Variants in TAF4B observed in about 807,000 individuals in gnomAD.
TAF4B encodes transcription initiation factor TFIID subunit 4B.
Under a neutral mutation model 86.4 loss-of-function variants are expected in TAF4B, and 38 were observed. The ratio of observed to expected loss-of-function variants is 0.44; its 90% CI spans 0.34 to 0.58. The LOEUF (loss-of-function observed/expected upper bound fraction) is 0.58, where lower values mean the gene tolerates loss of function less well. TAF4B is among the 20% of genes least tolerant of loss of function. The pLI, the probability that TAF4B is intolerant of heterozygous loss-of-function variation, is 0.02. For missense variants in TAF4B, 988 were observed against 1,027.6 expected (o/e 0.96, Z 0.53); for synonymous variants, 388 against 391.2 (o/e 0.99, Z 0.10).
intron 1 of TAF4B, among the ~76,000 whole-genome samples, chr18:26,251,742 A>G (rs1036359511): frequency 2.6e-5 from 4 of 152,232 alleles, no homozygotes; most frequent in African/African-American, 9.6e-5. Context: ...AGAGACTAAC[A>G]TTCAGTTTCC....
chr18:26,293,759 T>C (rs926460581), intron 9 of TAF4B, among the ~76,000 whole-genome samples: 22 of 152,208 alleles, frequency 1.4e-4, no homozygotes, highest in Admixed American at 1.2e-3. Context: ...CCGATCAAGA[T>C]ACTGAACATA....
intron 10 of TAF4B, among the ~76,000 whole-genome samples, chr18:26,320,383 G>A (rs1404363145): frequency 6.6e-6 from 1 of 152,148 alleles, no homozygotes; most frequent in African/African-American, 2.4e-5. Flanking sequence ...TGAGTATGTG[G>A]TCCAAATTGT....
intron 1 of TAF4B, among the ~76,000 whole-genome samples, chr18:26,257,842 C>CGTGTGT (rs57275139): frequency 0.047 from 6,701 of 141,444 alleles, 208 homozygotes; most frequent in East Asian, 0.082. Flanking sequence ...CCTCTGCGTG[C>CGTGTGT]GTGTGTGTGT....
At chr18:26,280,465 A>G (rs551301977) in intron 5 of TAF4B, among the ~76,000 whole-genome samples, 1 of 152,314 alleles carries the variant, frequency 6.6e-6, no homozygotes, top group South Asian at 2.1e-4. Flanking sequence ...AAAATCAACA[A>G]GAAAAAACCC....
At chr18:26,346,905 GTGTATATATATATATATAGTTTTTTGT>G (rs2057202413) in intron 13 of TAF4B, among the ~76,000 whole-genome samples, 2 of 7,810 alleles carry the variant, frequency 2.6e-4, no homozygotes, top group South Asian at 6.6e-3. Context: ...ATATATGTGT[GTGTATATATATATATATAGTTTTTTGT>G]TGTTTTTTGA....
intron 6 of TAF4B, among the ~76,000 whole-genome samples, chr18:26,284,053 CAA>C (rs199554921): frequency 5.4e-5 from 7 of 130,380 alleles, no homozygotes; most frequent in East Asian, 2.3e-4. Context: ...GACTCCGTCT[CAA>C]AAAAAAAAAA....
chr18:26,380,505 T>C lies in TAF4B; in HGVS notation c.2422-9340T>C, dbSNP rs76549178. On this transcript the variant is annotated intron_variant, in intron 14 of 14. Transcript: ENST00000269142. ...TGATTTTAGTCCTTTAAGTTTACTA[T>C]GACTTGGGCTTGCATGGTTTGTCTT... 8.3e-3 allele frequency among the ~76,000 whole-genome samples: 1,266 copies of C among 152,346 alleles called. 17 individuals are homozygous for C. Among genetic ancestry groups the C allele is most frequent in the African/African-American group, 0.029 (1,212 of 41,586 alleles).
In TAF4B at chr18:26,381,717, C is replaced by T. The variant is rs548895569; in HGVS notation, c.2422-8128C>T. On this transcript the variant is annotated intron_variant, in intron 14 of 14. Coordinates refer to ENST00000269142, the MANE Select transcript of TAF4B (RefSeq NM_005640.3). ...ACTCCAGCCTGGGCAATGAGCGAAA[C>T]TCCGCCTCTAAATAAATAAATAAAT... 5.5e-5 allele frequency among the ~76,000 whole-genome samples: 8 copies of T among 146,674 alleles called. No homozygotes were observed. In the East Asian group the frequency reaches 1.4e-3, roughly 26 times the overall value.
At chr18:26,325,315 G>A (rs997559011) in intron 11 of TAF4B, among the ~76,000 whole-genome samples, 16 of 152,118 alleles carry the variant, frequency 1.1e-4, no homozygotes. Flanking sequence ...TTTGGTCTGG[G>A]TCATTACATT....
intron 13 of TAF4B, among the ~76,000 whole-genome samples, chr18:26,346,943 C>CA (rs1336719761): frequency 8.0e-6 from 1 of 125,052 alleles, no homozygotes; most frequent in African/African-American, 2.9e-5. Context: ...TGTTTTTTGA[C>CA]AGAGTCTTGC....
intron 14 of TAF4B, among the ~76,000 whole-genome samples, chr18:26,368,194 A>G (rs941175264): frequency 9.2e-5 from 14 of 152,182 alleles, no homozygotes; most frequent in African/African-American, 3.4e-4. Context: ...TTTCAAATAG[A>G]GAACCAGGTT....
intron 9 of TAF4B, among the ~76,000 whole-genome samples, chr18:26,309,616 T>C (rs1461980520): frequency 6.6e-6 from 1 of 152,132 alleles, no homozygotes; most frequent in Non-Finnish European, 1.5e-5. Flanking sequence ...ATGTTAATTT[T>C]TGTTAAAGTA....
intron 1 of TAF4B, among the ~76,000 whole-genome samples, chr18:26,261,172 ATTTTTTTTTT>A (rs71169839): frequency 0.015 from 1,182 of 77,152 alleles, 7 homozygotes; most frequent in African/African-American, 0.055. Flanking sequence ...GAGCACTGTC[ATTTTTTTTTT>A]TTTTTTTTTT....
rs545830612 is a variant in TAF4B at position 26,256,320 on chromosome 18, A to C, written c.344-8850A>C. Reference sequence around the variant, plus strand: ...AGCTCTGCAAATACAGCAGCCCTCTATACTTCGGTACATCTTTGGCGTGTG... The same window carrying C: ...AGCTCTGCAAATACAGCAGCCCTCTCTACTTCGGTACATCTTTGGCGTGTG... On this transcript the variant is annotated intron_variant, in intron 1 of 14. Transcript: ENST00000269142. 2.4e-5 allele frequency: 35 copies of C among 1,451,290 alleles called. No individual in the cohort carries two copies. The African/African-American group carries it at 4.2e-4, about 17-fold the overall frequency. 89.9% of individuals were successfully genotyped at this position (1,451,290 alleles called of 1,614,324 possible).
At chr18:26,244,544 G>A (rs530993681) in intron 1 of TAF4B, among the ~76,000 whole-genome samples, 2 of 152,206 alleles carry the variant, frequency 1.3e-5, no homozygotes, top group South Asian at 2.1e-4. Context: ...CGATGCCCCC[G>A]CAGCTTTGGC....
At chr18:26,351,037 A>G (rs1387004126) in intron 13 of TAF4B, among the ~76,000 whole-genome samples, 1 of 152,226 alleles carries the variant, frequency 6.6e-6, no homozygotes, top group African/African-American at 2.4e-5. Flanking sequence ...AGAAATCAGT[A>G]TATCACAGAG....
At chr18:26,364,432 ACC>A (rs1491312876) in intron 14 of TAF4B, among the ~76,000 whole-genome samples, 6,347 of 152,206 alleles carry the variant, frequency 0.042, 182 homozygotes, top group Non-Finnish European at 0.058. Context: ...GTAAAATAAA[ACC>A]TACTTTAAGA....
chr18:26,387,431 C>T (rs1978437160), intron 14 of TAF4B, among the ~76,000 whole-genome samples: 1 of 152,112 alleles, frequency 6.6e-6, no homozygotes, highest in Non-Finnish European at 1.5e-5. Context: ...ACTTTTTATT[C>T]AATTTTCCAA....
chr18:26,237,596 T>A (rs1029738537), intron 1 of TAF4B, among the ~76,000 whole-genome samples: 3 of 152,076 alleles, frequency 2.0e-5, no homozygotes, highest in African/African-American at 7.2e-5. Flanking sequence ...AGCTAGGATA[T>A]GGAGGTAAGC....
Sources: gnomAD v4.1 joint callset for allele counts (sites outside exome capture counted in the v4.1 genomes callset) on GRCh38, gnomAD v4.1.1 for gene constraint, MANE v1.5 for transcripts, NCBI Gene and HGNC (gene_info 2026-07-23, HGNC 2026-07-21) for gene names.